The following CTNNAL1 variants were observed in gnomAD, a reference collection of about 807,000 sequenced individuals.
The protein encoded by CTNNAL1 is catenin alpha like 1.
A neutral mutation model predicts 93.6 loss-of-function variants in CTNNAL1; 69 were observed. The observed-to-expected ratio is 0.74, with a 90% CI of 0.61 to 0.90. The LOEUF (loss-of-function observed/expected upper bound fraction) is 0.90, where lower values mean the gene tolerates loss of function less well. Among genes scored for constraint, CTNNAL1 ranks in the 40% least tolerant of loss-of-function variants. The pLI is 0.00. For missense variants in CTNNAL1, 836 were observed against 862.0 expected, an observed-to-expected ratio of 0.97 and a Z score of 0.38; for synonymous variants, 286 against 305.4, an observed-to-expected ratio of 0.94 and a Z score of 0.66.
chr9:109,013,347 G>A lies in CTNNAL1; in HGVS notation c.96C>T (p.Ile32=). 1 of 1,515,770 alleles carries A rather than the reference G, an allele frequency of 6.6e-7. No individual in the cohort carries two copies. The highest frequency in any genetic ancestry group is 8.8e-7 in the Non-Finnish European group (1 of 1,131,456). The allele number at this position is 1,515,770 out of a possible 1,614,324, so 93.9% of individuals were successfully genotyped here. A position where few individuals can be genotyped will look rare whatever the true frequency, so the allele number is the denominator to read the frequency against. ...SGFALDSGLE[I]KTRSVEQTLL... is the part of the protein sequence containing the mutation. Reference sequence around the variant, plus strand: ...GCGTCTGCTCCACCGAGCGAGTTTTGATCTCCAGTCCCGAGTCGAGGGCGA... The same window carrying A: ...GCGTCTGCTCCACCGAGCGAGTTTTAATCTCCAGTCCCGAGTCGAGGGCGA... The change falls in exon 1 of 19, where the codon ATC becomes ATT. Residue 32 remains isoleucine, a synonymous_variant. Coordinates refer to ENST00000325551, the MANE Select transcript of CTNNAL1 (RefSeq NM_003798.4).
chr9:108,992,943 A>G, intron 2 of CTNNAL1, 124 bp from the exon 3 acceptor site: 1 of 1,061,088 alleles, frequency 9.4e-7, no homozygotes, highest in East Asian at 2.7e-5. Context: ...CTTCAGGAAC[A>G]AGAAACGGTT....
intron 14 of CTNNAL1, 98 bp downstream of exon 14, chr9:108,952,111 T>TACCG: frequency 2.0e-6 from 2 of 1,023,636 alleles, no homozygotes; most frequent in Non-Finnish European, 2.8e-6. Context: ...ATATATTTGA[T>TACCG]ACCGACTTTA....
At chr9:108,969,654 G>T (rs1414917756) in intron 10 of CTNNAL1, among the ~76,000 whole-genome samples, 1 of 151,730 alleles carries the variant, frequency 6.6e-6, no homozygotes, top group Non-Finnish European at 1.5e-5. Context: ...CTTCTGATTG[G>T]ATCTTTTTTT....
intron 14 of CTNNAL1, chr9:108,950,686 G>A: frequency 1.4e-6 from 2 of 1,461,208 alleles, no homozygotes; most frequent in South Asian, 2.7e-5. Context: ...GGAGGTGGAT[G>A]CTCATCTTTT....
At chr9:108,947,404 C>T (rs958608905) in intron 15 of CTNNAL1, among the ~76,000 whole-genome samples, 3 of 152,070 alleles carry the variant, frequency 2.0e-5, no homozygotes, top group Non-Finnish European at 2.9e-5. Context: ...TGAGCCACCG[C>T]GCCTGGCCTA....
intron 8 of CTNNAL1, 35 bp downstream of exon 8, chr9:108,976,917 AAATCACAAAG>A (rs1408037376): frequency 2.5e-6 from 2 of 794,500 alleles, no homozygotes; most frequent in Non-Finnish European, 3.8e-6. Context: ...TACAACATGA[AAATCACAAAG>A]AATTAGAAGA....
Position 108,966,491 on chromosome 9 carries a change from G to C in CTNNAL1, c.1441-963C>G, listed in dbSNP as rs143496412. Reference sequence around the variant, plus strand: ...ATCCTAACTGATCCAAACCTCCCTCGTGCCCCTCAGTGCTCTCTCCCTTCC... The same window carrying C: ...ATCCTAACTGATCCAAACCTCCCTCCTGCCCCTCAGTGCTCTCTCCCTTCC... On this transcript the variant is annotated intron_variant, in intron 10 of 18. Coordinates refer to ENST00000325551, the MANE Select transcript of CTNNAL1 (RefSeq NM_003798.4). Among the ~76,000 whole-genome samples the C allele has an allele frequency of 2.0e-5, 3 of 152,062 alleles. No homozygotes were observed. In the East Asian group the frequency reaches 5.8e-4, roughly 29 times the overall value.
In CTNNAL1 at chr9:108,965,394, C is replaced by A; in HGVS notation, c.1575G>T (p.Val525=). The A allele has an allele frequency of 6.7e-7, 1 of 1,486,050 alleles. No homozygotes were observed. Among genetic ancestry groups the A allele is most frequent in the South Asian group, 1.4e-5 (1 of 71,188 alleles). 92.1% of individuals were successfully genotyped at this position (1,486,050 alleles called of 1,614,324 possible). ...MSTLLREIND[V]FEGRRGEKYG... ...GTTTCTCACCTCGTCTTCCTTCAAACACGTCATTGATTTCTCTCAGCAGTG... is the reference window on the plus strand; with the variant it reads ...GTTTCTCACCTCGTCTTCCTTCAAAAACGTCATTGATTTCTCTCAGCAGTG... Residue 525 remains valine, a synonymous_variant, in exon 11 of 19, where the codon GTG becomes GTT. Coordinates refer to ENST00000325551, the MANE Select transcript of CTNNAL1 (RefSeq NM_003798.4).
At chr9:108,943,887 T>C (rs956804727) in intron 16 of CTNNAL1, 71 bp from the exon 17 acceptor site, 67 of 1,598,918 alleles carry the variant, frequency 4.2e-5, no homozygotes, top group Non-Finnish European at 5.5e-5. Context: ...AACACATTTA[T>C]ACATTGATAT....
At chr9:108,988,230 C>T (rs1831675321) in intron 4 of CTNNAL1, among the ~76,000 whole-genome samples, 1 of 152,152 alleles carries the variant, frequency 6.6e-6, no homozygotes, top group African/African-American at 2.4e-5. Context: ...ATTACAGGCA[C>T]ATGCCACCAC....
At chr9:108,950,411 G>T in intron 14 of CTNNAL1, 1 of 1,306,684 alleles carries the variant, frequency 7.7e-7, no homozygotes, top group East Asian at 2.5e-5. Flanking sequence ...CAAAGGAATG[G>T]TCTCCAATGA....
At chr9:109,012,265 C>G (rs1827227410) in intron 1 of CTNNAL1, among the ~76,000 whole-genome samples, 2 of 152,230 alleles carry the variant, frequency 1.3e-5, no homozygotes, top group African/African-American at 2.4e-5. Flanking sequence ...CAGCTACAGG[C>G]TCCCCTTCAC....
chr9:108,999,377 T>C, intron 1 of CTNNAL1, 121 bp from the exon 2 acceptor site: 1 of 907,896 alleles, frequency 1.1e-6, no homozygotes, highest in Admixed American at 3.3e-5. Flanking sequence ...AATCAATAGT[T>C]AGAGATGCTT....
intron 14 of CTNNAL1, chr9:108,950,364 TTGC>T: frequency 2.3e-6 from 2 of 885,770 alleles, no homozygotes; most frequent in Non-Finnish European, 1.6e-6. Context: ...CAGGATAAGC[TTGC>T]TAACAACAGT....
At position 108,979,450 on chromosome 9, in the gene CTNNAL1, TAA is replaced by T; in HGVS notation, c.930_931del (p.Tyr311PhefsTer23). 1.2e-6 allele frequency: 2 copies of T among 1,613,970 alleles called. No homozygotes were observed. The highest frequency in any genetic ancestry group is 2.2e-5 in the South Asian group (2 of 91,070). ...AGAAAGGTTCTCTTTGGACTGAAAA[TAA>T]AGATTCTCCCGAAGAGCTTCAATAT... On this transcript the variant is annotated frameshift_variant, in exon 7 of 19. Transcript: ENST00000325551. LOFTEE classifies it high-confidence loss of function.
intron 14 of CTNNAL1, among the ~76,000 whole-genome samples, chr9:108,948,619 CT>C (rs1181448312): frequency 2.6e-5 from 4 of 152,174 alleles, no homozygotes; most frequent in Non-Finnish European, 4.4e-5. Flanking sequence ...GGACATTTCA[CT>C]TCTAATTCTT....
chr9:108,999,063 C>T lies in CTNNAL1; in HGVS notation c.331+4G>A, dbSNP rs1278403472. 1 of 1,599,200 alleles carries T rather than the reference C, an allele frequency of 6.3e-7. No homozygotes were observed. The highest frequency in any genetic ancestry group is 1.7e-5 in the Admixed American group (1 of 57,376). The stretch of plus-strand genomic sequence containing the variant: ...AATAGTCTTCAAAATCAATATCCAC[C>T]TACCTGCTTGTTTAGCTTCAATACA... On this transcript the variant is annotated splice_donor_region_variant and intron_variant, in intron 2 of 18. Coordinates refer to ENST00000325551, the MANE Select transcript of CTNNAL1 (RefSeq NM_003798.4).
At position 108,984,364 on chromosome 9, in the gene CTNNAL1, G is replaced by T. The variant is rs758765362; in HGVS notation, c.712C>A (p.Leu238Ile). The change falls in exon 5 of 19, where the codon CTT (leucine) becomes ATT (isoleucine). Residue 238 changes from leucine (L) to isoleucine (I), a missense_variant. Leu to Ile is a conservative substitution (Grantham distance 5). Coordinates refer to ENST00000325551, the MANE Select transcript of CTNNAL1 (RefSeq NM_003798.4). ...RAVLEKCTMM[L>I]LTASKTCLRH... ...TGTCTTACCTTTGAAGCTGTGAGAAGCATCATTGTACACTTTTCAAGAACT... is the reference window on the plus strand; with the variant it reads ...TGTCTTACCTTTGAAGCTGTGAGAATCATCATTGTACACTTTTCAAGAACT... 3.1e-6 allele frequency: 5 copies of T among 1,606,578 alleles called. No individual in the cohort carries two copies. The highest frequency in any genetic ancestry group is 1.7e-4 in the Middle Eastern group (1 of 6,036).
intron 12 of CTNNAL1, 30 bp downstream of exon 12, chr9:108,955,760 T>A: frequency 6.3e-7 from 1 of 1,575,460 alleles, no homozygotes; most frequent in East Asian, 2.3e-5. Flanking sequence ...AATAAAAACA[T>A]TCTGCAATGT....
Sources: gnomAD v4.1 joint callset for allele counts (sites outside exome capture counted in the v4.1 genomes callset) on GRCh38, gnomAD v4.1.1 for gene constraint, MANE v1.5 for transcripts, NCBI Gene and HGNC (gene_info 2026-07-23, HGNC 2026-07-21) for gene names.